WDR36: variants seen among roughly 807,000 people sequenced by gnomAD.
The protein encoded by WDR36 is WD repeat domain 36.
Under a neutral mutation model 112.7 loss-of-function variants are expected in WDR36, and 63 were observed. The ratio of observed to expected loss-of-function variants is 0.56; its 90% CI spans 0.46 to 0.69. The LOEUF (loss-of-function observed/expected upper bound fraction) is 0.69. Ranked by LOEUF, WDR36 falls within the 30% of genes least tolerant of loss-of-function variation. The pLI, the probability that WDR36 is intolerant of heterozygous loss-of-function variation, is 0.00. For synonymous variants in WDR36, 410 were observed against 362.2 expected (o/e 1.13, Z -1.50); for missense variants, 1,226 against 1,070.3 (o/e 1.15, Z -2.03).
intron 16 of WDR36, among the ~76,000 whole-genome samples, chr5:111,118,623 T>G (rs1753503278): frequency 6.6e-6 from 1 of 152,204 alleles, no homozygotes. Flanking sequence ...TTCATTAGTT[T>G]CACTGAAGTA....
chr5:111,100,057 A>T (rs951551550), intron 4 of WDR36, among the ~76,000 whole-genome samples: 2 of 147,760 alleles, frequency 1.4e-5, no homozygotes, highest in African/African-American at 4.9e-5. Flanking sequence ...ACAGGGTTAT[A>T]CGTTTTTTTT....
At position 111,102,304 on chromosome 5, in the gene WDR36, A is replaced by G. The variant is rs776966676; in HGVS notation, c.543-41A>G. On this transcript the variant is annotated intron_variant, in intron 5 of 22. Transcript: ENST00000513710. ...TGTAGCTGATATTGTTTTCCTCCAA[A>G]AAAAAAAAAATACAGCTTTCAACTA... 1.9e-6 allele frequency: 3 copies of G among 1,545,168 alleles called. No homozygotes were observed. The Admixed American group carries it at 5.5e-5, about 28-fold the overall frequency.
chr5:111,103,958 T>C lies in WDR36; in HGVS notation c.730+40T>C, dbSNP rs757091181. The C allele has an allele frequency of 2.5e-6, 4 of 1,605,334 alleles. No individual in the cohort carries two copies. In the African/African-American group the frequency reaches 5.4e-5, roughly 22 times the overall value. ...ACTTATTGATAGGAGTTAAGAACACTTAAAATTCATTACTTTAAAAGTCAA... is the reference window on the plus strand; with the variant it reads ...ACTTATTGATAGGAGTTAAGAACACCTAAAATTCATTACTTTAAAAGTCAA... On this transcript the variant is annotated intron_variant, in intron 7 of 22. Transcript: ENST00000513710.
chr5:111,127,485 A>G lies in WDR36; in HGVS notation c.*602A>G, dbSNP rs535644308. 1.9e-5 allele frequency: 4 copies of G among 206,618 alleles called. No homozygotes were observed. Among genetic ancestry groups the G allele is most frequent in the African/African-American group, 9.1e-5 (4 of 43,808 alleles). The allele number at this position is 206,618 out of a possible 1,614,324, so 12.8% of individuals were successfully genotyped here. A position where few individuals can be genotyped will look rare whatever the true frequency, so the allele number is the denominator to read the frequency against. On this transcript the variant is annotated 3_prime_UTR_variant, in exon 23 of 23. Transcript: ENST00000513710. ...CCTTTGATAAAAATATGAATGATTGACTCTCAGAGTTGGAGGATAAACTAA... is the reference window on the plus strand; with the variant it reads ...CCTTTGATAAAAATATGAATGATTGGCTCTCAGAGTTGGAGGATAAACTAA...
intron 19 of WDR36, among the ~76,000 whole-genome samples, chr5:111,123,251 C>A (rs1010441252): frequency 6.6e-6 from 1 of 152,032 alleles, no homozygotes; most frequent in Non-Finnish European, 1.5e-5. Context: ...ATCATGTTTT[C>A]TTGAATTTTA....
intron 4 of WDR36, among the ~76,000 whole-genome samples, chr5:111,100,287 CT>C (rs1228689139): frequency 7.5e-4 from 112 of 148,474 alleles, no homozygotes; most frequent in African/African-American, 2.1e-3. Flanking sequence ...TCCTTAGGAT[CT>C]TTTTTTTTTA....
chr5:111,103,736 T>C (rs1753166145), intron 6 of WDR36, 50 bp from the exon 7 acceptor site: 1 of 1,605,266 alleles, frequency 6.2e-7, no homozygotes, highest in Non-Finnish European at 8.5e-7. Flanking sequence ...TCAGGATTAT[T>C]AAAGCTATTT....
At chr5:111,124,586 G>A (rs920277745) in intron 21 of WDR36, among the ~76,000 whole-genome samples, 1 of 152,034 alleles carries the variant, frequency 6.6e-6, no homozygotes, top group Admixed American at 6.5e-5. Context: ...GACTGCTTAG[G>A]TGATTTCATA....
At chr5:111,110,349 A>G in intron 13 of WDR36, 46 bp downstream of exon 13, 1 of 1,440,908 alleles carries the variant, frequency 6.9e-7, no homozygotes, top group Non-Finnish European at 9.8e-7. Flanking sequence ...GATAGATACA[A>G]AACTAGTAGT....
At chr5:111,120,646 G>T (rs984157471) in intron 18 of WDR36, 53 bp downstream of exon 18, 9 of 1,453,940 alleles carry the variant, frequency 6.2e-6, no homozygotes, top group Non-Finnish European at 8.7e-6. Context: ...TAAACCTAAT[G>T]TAGGAGATAT....
At chr5:111,126,709 T>G in intron 22 of WDR36, 25 bp from the exon 23 acceptor site, 1 of 1,611,778 alleles carries the variant, frequency 6.2e-7, no homozygotes. Flanking sequence ...TCTTAAATGT[T>G]CAATCATCAT....
chr5:111,103,006 G>A (rs1753151522), intron 6 of WDR36, among the ~76,000 whole-genome samples: 1 of 151,454 alleles, frequency 6.6e-6, no homozygotes, highest in African/African-American at 2.4e-5. Context: ...TTCTCTTGCT[G>A]TCATCAGCCT....
At chr5:111,124,896 A>G (rs750254234) in intron 21 of WDR36, among the ~76,000 whole-genome samples, 3 of 152,162 alleles carry the variant, frequency 2.0e-5, no homozygotes, top group South Asian at 2.1e-4. Context: ...TAAAAACACT[A>G]TTGTTTACTA....
intron 16 of WDR36, among the ~76,000 whole-genome samples, chr5:111,117,826 T>A (rs186884063): frequency 3.3e-5 from 5 of 152,346 alleles, no homozygotes; most frequent in Admixed American, 6.5e-5. Flanking sequence ...AGAAAAGCTG[T>A]AATTAAAAAC....
intron 19 of WDR36, among the ~76,000 whole-genome samples, chr5:111,122,178 A>G (rs1753580944): frequency 6.6e-6 from 1 of 152,180 alleles, no homozygotes; most frequent in South Asian, 2.1e-4. Context: ...TCCACACATC[A>G]GCTTTAAAGG....
chr5:111,122,383 C>G (rs1391728496), intron 19 of WDR36, among the ~76,000 whole-genome samples: 2 of 152,138 alleles, frequency 1.3e-5, no homozygotes, highest in Non-Finnish European at 2.9e-5. Context: ...TAGGAATATG[C>G]TAAAACCTCT....
At chr5:111,117,250 G>A (rs1753473945) in intron 16 of WDR36, among the ~76,000 whole-genome samples, 1 of 152,182 alleles carries the variant, frequency 6.6e-6, no homozygotes, top group African/African-American at 2.4e-5. Context: ...TTTGATGTGT[G>A]TGTGTTTGTT....
rs1405937028 is a variant in WDR36, at chr5:111,125,750, G to A, written c.2493G>A (p.Lys831=). The part of the protein sequence containing the change: ...LKMIGMMLDR[K]RDFELAQAYL... ...TGATTGGGATGATGCTGGACAGAAA[G>A]CGTGATTTTGAGTTAGCCCAGGCAT... Residue 831 remains lysine (K), a synonymous_variant, in exon 22 of 23, where the codon AAG becomes AAA. Coordinates refer to ENST00000513710, the MANE Select transcript of WDR36 (RefSeq NM_139281.3). The A allele has an allele frequency of 1.2e-6, 2 of 1,613,774 alleles. 1 individual carries two copies. Among genetic ancestry groups the A allele is most frequent in the African/African-American group, 2.7e-5 (2 of 74,910 alleles).
rs764523164 is a variant in WDR36, at chr5:111,100,704, G to A, written c.525G>A (p.Leu175=). ...GCAGTGAACAAGGAAGCCTGCAGTT[G>A]TGGAATGTAAAATCCAAGTAAGTAT... is the stretch of plus-strand genomic sequence containing the variant. The part of the protein sequence containing the change: ...LLGSEQGSLQ[L]WNVKSNKLLY... The change falls in exon 5 of 23, where the codon TTG becomes TTA. Residue 175 remains leucine, a synonymous_variant. Coordinates refer to ENST00000513710, the MANE Select transcript of WDR36 (RefSeq NM_139281.3). The A allele has an allele frequency of 1.2e-6, 2 of 1,608,994 alleles. No homozygotes were observed. Among genetic ancestry groups the A allele is most frequent in the Non-Finnish European group, 1.7e-6 (2 of 1,176,718 alleles).
Sources: allele counts gnomAD v4.1 joint callset (sites outside exome capture counted in the v4.1 genomes callset), GRCh38; gene constraint gnomAD v4.1.1; transcripts MANE v1.5; gene names NCBI Gene and HGNC (gene_info 2026-07-23, HGNC 2026-07-21).